Variants in LARP4B observed in about 807,000 individuals in gnomAD.
LARP4B encodes the protein la-related protein 4B.
Under a neutral mutation model 89.8 loss-of-function variants are expected in LARP4B, and 12 were observed. The ratio of observed to expected loss-of-function variants is 0.13; its 90% CI spans 0.09 to 0.22. LARP4B has a LOEUF of 0.22. LARP4B is among the 10% of genes least tolerant of loss of function. The pLI, the probability that LARP4B is intolerant of heterozygous loss-of-function variation, is 1.00. For synonymous variants in LARP4B, 367 were observed against 363.3 expected (o/e 1.01, Z -0.12); for missense variants, 757 against 947.7 (o/e 0.80, Z 2.64).
At chr10:936,329 T>C (rs61833262), upstream of LARP4B, among the ~76,000 whole-genome samples, 348 of 151,748 alleles carry the variant, frequency 2.3e-3, 2 homozygotes, top group Non-Finnish European at 3.9e-3. Context: ...CAAGCCAACT[T>C]AAGAAGGAAC....
At chr10:875,978 T>C (rs1483927725) in intron 3 of LARP4B, among the ~76,000 whole-genome samples, 1 of 152,216 alleles carries the variant, frequency 6.6e-6, no homozygotes, top group Admixed American at 6.5e-5. Flanking sequence ...CTGAATCAGA[T>C]AGGGTGAGAC....
chr10:932,390 G>T (rs1162457926), upstream of LARP4B, among the ~76,000 whole-genome samples: 1 of 26,454 alleles, frequency 3.8e-5, no homozygotes, highest in Non-Finnish European at 6.5e-5. Flanking sequence ...GCCCTGCCCC[G>T]AACCCCTCAC....
At chr10:872,611 TTC>T (rs1835274220) in intron 3 of LARP4B, among the ~76,000 whole-genome samples, 1 of 152,230 alleles carries the variant, frequency 6.6e-6, no homozygotes, top group African/African-American at 2.4e-5. Context: ...TGACCACCAT[TTC>T]TTTCTCTACT....
chr10:923,589 T>C (rs1837048491), intron 1 of LARP4B, among the ~76,000 whole-genome samples: 1 of 150,700 alleles, frequency 6.6e-6, no homozygotes, highest in Admixed American at 6.6e-5. Flanking sequence ...CAGACGATAA[T>C]CTCAACAATG....
At chr10:952,477 C>G in the LARP4B span, among the ~76,000 whole-genome samples, 1 of 135,598 alleles carries the variant, frequency 7.4e-6, no homozygotes, top group Non-Finnish European at 1.6e-5. Context: ...AGGAAGAAAT[C>G]GCACCAGCCC....
rs144306523 is a variant in LARP4B, at chr10:831,241, C to T, written c.751-264G>A. ...CCATTAAGCTAGATTAATGTGAAAA[C>T]TATCATATCATGTTCTGGGCTGATA... On this transcript the variant is annotated intron_variant, in intron 8 of 17. Coordinates refer to ENST00000316157, the MANE Select transcript of LARP4B (RefSeq NM_015155.3). Among the ~76,000 whole-genome samples, 174 of 149,330 alleles carry T rather than the reference C, an allele frequency of 1.2e-3. 4 individuals carry two copies. In the East Asian group the frequency reaches 0.028, roughly 24 times the overall value.
At chr10:884,632 G>A in intron 2 of LARP4B, 126 bp from the exon 3 acceptor site, 1 of 617,772 alleles carries the variant, frequency 1.6e-6, no homozygotes, top group South Asian at 2.0e-5. Context: ...ACAAATTCAT[G>A]AATTCATAAG....
At chr10:986,923 G>C in the LARP4B span, 1 of 135,466 alleles carries the variant, frequency 7.4e-6, no homozygotes, top group African/African-American at 2.8e-5. Flanking sequence ...CTGCGCGACA[G>C]AGTGAGATTC....
At chr10:921,285 GAAAA>G (rs1292329606) in intron 1 of LARP4B, among the ~76,000 whole-genome samples, 3 of 150,714 alleles carry the variant, frequency 2.0e-5, no homozygotes, top group African/African-American at 4.9e-5. Context: ...AAAAAAAAAA[GAAAA>G]AGAAAGAAAG....
At chr10:908,305 G>A (rs941422859) in intron 1 of LARP4B, among the ~76,000 whole-genome samples, 4 of 152,164 alleles carry the variant, frequency 2.6e-5, no homozygotes, top group African/African-American at 9.7e-5. Context: ...GAGGGCATGG[G>A]AGCCCCTTGC....
At chr10:908,865 G>A (rs1045925315) in intron 1 of LARP4B, among the ~76,000 whole-genome samples, 3 of 152,282 alleles carry the variant, frequency 2.0e-5, no homozygotes, top group African/African-American at 7.2e-5. Context: ...CAGCACGGGG[G>A]GGGCCTCCCT....
rs1832592294 is a variant in LARP4B at position 825,843 on chromosome 10, T to C, written c.1153A>G (p.Ile385Val). ...LVTPFPNTGF[I>V]NGFTSPAFKP... ...AACGCTGGAGACGTAAACCCATTTATAAATCCAGTATTTGGAAATGGAGTT... is the reference window on the plus strand; with the variant it reads ...AACGCTGGAGACGTAAACCCATTTACAAATCCAGTATTTGGAAATGGAGTT... Residue 385 changes from isoleucine (I) to valine (V), a missense_variant, in exon 12 of 18, where the codon ATA becomes GTA. This residue lies in a region of LARP4B where 137 missense variants were observed against 213.9 expected (regional missense o/e 0.64). Coordinates refer to ENST00000316157, the MANE Select transcript of LARP4B (RefSeq NM_015155.3). 2 of 1,612,226 alleles carry C rather than the reference T, an allele frequency of 1.2e-6. No individual in the cohort carries two copies. The highest frequency in any genetic ancestry group is 1.1e-5 in the South Asian group (1 of 90,646).
chr10:848,143 G>A (rs143209194), intron 5 of LARP4B, among the ~76,000 whole-genome samples: 19 of 152,218 alleles, frequency 1.2e-4, no homozygotes, highest in African/African-American at 4.1e-4. Context: ...TGTCATTCAC[G>A]TGCAGAGCCT....
In LARP4B at chr10:864,141, C is replaced by T. The variant is rs201445617; in HGVS notation, c.271G>A (p.Ala91Thr). The change falls in exon 4 of 18, where the codon GCA becomes ACA. Residue 91 changes from alanine (A) to threonine (T), a missense_variant. Coordinates refer to ENST00000316157, the MANE Select transcript of LARP4B (RefSeq NM_015155.3). ...AACTTACCCTGCGGGCCACGGTCTG[C>T]GTGGTGGCCAGCCACCTCCTCCCAT... Reference protein sequence around the residue: ...AAWEEVAGHHADRGPQGSDAN... With the variant: ...AAWEEVAGHHTDRGPQGSDAN... The T allele has an allele frequency of 1.9e-5, 30 of 1,614,084 alleles. No homozygotes were observed. The highest frequency in any genetic ancestry group is 1.5e-4 in the Admixed American group (9 of 60,010).
chr10:841,224 G>T (rs116318409), intron 7 of LARP4B, among the ~76,000 whole-genome samples: 1 of 151,972 alleles, frequency 6.6e-6, no homozygotes, highest in Non-Finnish European at 1.5e-5. Flanking sequence ...TTGCTCCTGC[G>T]GACCTATTTA....
chr10:864,969 A>G (rs573190705), intron 3 of LARP4B, among the ~76,000 whole-genome samples: 1 of 152,314 alleles, frequency 6.6e-6, no homozygotes, highest in East Asian at 1.9e-4. Flanking sequence ...AAAGAAAGAA[A>G]GAAAGCTTCA....
chr10:874,942 T>C lies in LARP4B; in HGVS notation c.141+9505A>G, dbSNP rs72778218. On this transcript the variant is annotated intron_variant, in intron 3 of 17. Transcript: ENST00000316157. ...CATCCATTTTGTCACACGTCTTAAT[T>C]TGCACCCTTAACAACCCCCAAGGTA... Among the ~76,000 whole-genome samples the C allele has an allele frequency of 6.9e-3, 1,044 of 152,242 alleles. 6 individuals carry two copies. Among genetic ancestry groups the C allele is most frequent in the Non-Finnish European group, 0.011 (762 of 68,016 alleles).
chr10:836,587 T>C, intron 7 of LARP4B, 81 bp from the exon 8 acceptor site: 3 of 865,002 alleles, frequency 3.5e-6, no homozygotes, highest in South Asian at 3.2e-5. Context: ...ATTATATTAC[T>C]ATATTACTAA....
intron 5 of LARP4B, among the ~76,000 whole-genome samples, chr10:863,225 C>CTTTT (rs1564414569): frequency 6.8e-6 from 1 of 146,670 alleles, no homozygotes; most frequent in Non-Finnish European, 1.5e-5. Context: ...AAATAGGTTT[C>CTTTT]ATTTTTTTTT....
Sources: allele counts gnomAD v4.1 joint callset (sites outside exome capture counted in the v4.1 genomes callset), GRCh38; gene constraint gnomAD v4.1.1; regional missense constraint gnomAD v4.1.1; transcripts MANE v1.5; gene names NCBI Gene and HGNC (gene_info 2026-07-23, HGNC 2026-07-21).